ROR1: variants seen among roughly 807,000 people sequenced by gnomAD.
ROR1 encodes inactive tyrosine-protein kinase transmembrane receptor ROR1.
A neutral mutation model predicts 78.8 loss-of-function variants in ROR1; 19 were observed. The ratio of observed to expected loss-of-function variants is 0.24; its 90% CI spans 0.17 to 0.35. The LOEUF (loss-of-function observed/expected upper bound fraction) is 0.35. Among genes scored for constraint, ROR1 ranks in the 10% least tolerant of loss-of-function variants. ROR1 has a pLI of 1.00. For synonymous variants in ROR1, 386 were observed against 433.6 expected, an observed-to-expected ratio of 0.89 and a Z score of 1.36; for missense variants, 917 against 1,177.8, an observed-to-expected ratio of 0.78 and a Z score of 3.24.
At chr1:63,806,316 A>AATTTTTTTTTTTTTTTTTTT (rs1553133293) in intron 1 of ROR1, among the ~76,000 whole-genome samples, 1 of 87,264 alleles carries the variant, frequency 1.1e-5, no homozygotes. Context: ...CTGTCAGACT[A>AATTTTTTTTTTTTTTTTTTT]TTTTTTTTTT....
At chr1:63,993,147 C>T (rs1454405385) in intron 1 of ROR1, among the ~76,000 whole-genome samples, 1 of 152,164 alleles carries the variant, frequency 6.6e-6, no homozygotes, top group African/African-American at 2.4e-5. Context: ...TTTCTAATGT[C>T]TACTCATCCT....
At chr1:63,991,262 C>G (rs1466256549) in intron 1 of ROR1, among the ~76,000 whole-genome samples, 2 of 152,074 alleles carry the variant, frequency 1.3e-5, no homozygotes, top group African/African-American at 4.8e-5. Flanking sequence ...AAAGCCCTAT[C>G]TTTAGTAAAG....
At chr1:63,917,683 A>C (rs1645619374) in intron 1 of ROR1, among the ~76,000 whole-genome samples, 1 of 152,210 alleles carries the variant, frequency 6.6e-6, no homozygotes, top group Non-Finnish European at 1.5e-5. Flanking sequence ...GTGACTGTCC[A>C]GGAAAATGGA....
intron 4 of ROR1, among the ~76,000 whole-genome samples, chr1:64,114,218 G>A (rs1014930021): frequency 6.6e-6 from 1 of 152,172 alleles, no homozygotes; most frequent in Non-Finnish European, 1.5e-5. Context: ...AGAGCTGCTT[G>A]AGGCCATCTC....
intron 7 of ROR1, among the ~76,000 whole-genome samples, chr1:64,145,493 C>T (rs1649449325): frequency 6.6e-6 from 1 of 152,204 alleles, no homozygotes; most frequent in African/African-American, 2.4e-5. Context: ...AAGATCACCA[C>T]ACCCCCTTTG....
At chr1:63,784,369 A>G (rs1429040302) in intron 1 of ROR1, among the ~76,000 whole-genome samples, 4 of 152,138 alleles carry the variant, frequency 2.6e-5, no homozygotes, top group Admixed American at 2.6e-4. Context: ...TGTGCCTCTA[A>G]TATACTGATA....
intron 4 of ROR1, among the ~76,000 whole-genome samples, chr1:64,111,534 C>T (rs559023358): frequency 2.6e-5 from 4 of 152,274 alleles, no homozygotes; most frequent in South Asian, 4.1e-4. Flanking sequence ...GCATGGGTCC[C>T]CAGCAAGCTG....
At chr1:63,935,738 C>T (rs1210055152) in intron 1 of ROR1, among the ~76,000 whole-genome samples, 1 of 152,198 alleles carries the variant, frequency 6.6e-6, no homozygotes, top group Non-Finnish European at 1.5e-5. Flanking sequence ...GAAACAGCAG[C>T]TGGAGCAGGA....
chr1:63,974,623 G>A (rs1646143231), intron 1 of ROR1, among the ~76,000 whole-genome samples: 1 of 151,770 alleles, frequency 6.6e-6, no homozygotes, highest in African/African-American at 2.4e-5. Flanking sequence ...TGTTAGAAAT[G>A]TAAACCCTTT....
At chr1:64,135,290 G>A (rs1284635892) in intron 4 of ROR1, among the ~76,000 whole-genome samples, 1 of 152,166 alleles carries the variant, frequency 6.6e-6, no homozygotes, top group Non-Finnish European at 1.5e-5. Context: ...TGGAAAGGTG[G>A]TAAGAAGTTT....
At chr1:64,060,664 G>A (rs953984406) in intron 4 of ROR1, among the ~76,000 whole-genome samples, 1 of 152,128 alleles carries the variant, frequency 6.6e-6, no homozygotes, top group Non-Finnish European at 1.5e-5. Context: ...AAGTCACTTG[G>A]CAGCTGGGCC....
At chr1:64,037,003 T>G (rs1040700573) in intron 2 of ROR1, among the ~76,000 whole-genome samples, 1 of 152,182 alleles carries the variant, frequency 6.6e-6, no homozygotes, top group Non-Finnish European at 1.5e-5. Flanking sequence ...TCCAAGAGCT[T>G]CTCTTTATTC....
intron 4 of ROR1, among the ~76,000 whole-genome samples, chr1:64,123,233 C>G (rs1024186001): frequency 6.6e-6 from 1 of 152,138 alleles, no homozygotes; most frequent in Non-Finnish European, 1.5e-5. Flanking sequence ...TGCAAATATT[C>G]CAAGCATAGT....
intron 1 of ROR1, among the ~76,000 whole-genome samples, chr1:63,920,689 T>C (rs1645647352): frequency 6.6e-6 from 1 of 152,240 alleles, no homozygotes; most frequent in African/African-American, 2.4e-5. Flanking sequence ...AGCCCACCTC[T>C]CCTGGACACT....
Position 63,966,217 on chromosome 1 carries a change from T to C in ROR1, c.92-43088T>C, listed in dbSNP as rs546008750. Among the ~76,000 whole-genome samples the C allele has an allele frequency of 4.3e-4, 66 of 152,276 alleles. No homozygotes were observed. In the South Asian group the frequency reaches 0.013, roughly 31 times the overall value. On this transcript the variant is annotated intron_variant, in intron 1 of 8. Coordinates refer to ENST00000371079, the MANE Select transcript of ROR1 (RefSeq NM_005012.4). Reference sequence around the variant, plus strand: ...GAGACAGGCATAATATGCTCAGCAATTGGAGATGCCGCTCTCTTGGTTCAG... The same window carrying C: ...GAGACAGGCATAATATGCTCAGCAACTGGAGATGCCGCTCTCTTGGTTCAG...
At chr1:63,782,851 G>A (rs1383129033) in intron 1 of ROR1, among the ~76,000 whole-genome samples, 1 of 152,132 alleles carries the variant, frequency 6.6e-6, no homozygotes, top group Admixed American at 6.5e-5. Context: ...AGTAAAATAG[G>A]CACTTTATAC....
chr1:63,794,899 T>A (rs974499509), intron 1 of ROR1, among the ~76,000 whole-genome samples: 1 of 152,038 alleles, frequency 6.6e-6, no homozygotes, highest in Non-Finnish European at 1.5e-5. Context: ...CTGGTGATAG[T>A]GGTGGGGTGC....
At chr1:63,915,653 A>G (rs953189550) in intron 1 of ROR1, among the ~76,000 whole-genome samples, 3 of 152,070 alleles carry the variant, frequency 2.0e-5, no homozygotes, top group African/African-American at 7.2e-5. Flanking sequence ...GATGGTTGCT[A>G]GCCTGCATTT....
At chr1:64,159,879 C>T (rs369476690) in intron 8 of ROR1, among the ~76,000 whole-genome samples, 7 of 152,134 alleles carry the variant, frequency 4.6e-5, no homozygotes, top group African/African-American at 1.2e-4. Flanking sequence ...TTGAGTTGCT[C>T]GAGGTCCTGG....
Sources: allele counts gnomAD v4.1 joint callset (sites outside exome capture counted in the v4.1 genomes callset), GRCh38; gene constraint gnomAD v4.1.1; transcripts MANE v1.5; gene names NCBI Gene and HGNC (gene_info 2026-07-23, HGNC 2026-07-21).